DPP10: variants seen among roughly 807,000 people sequenced by gnomAD.
DPP10 encodes the protein inactive dipeptidyl peptidase 10.
DPP10 carries 33 observed loss-of-function variants against 120.9 expected under a neutral mutation model. The ratio of observed to expected loss-of-function variants is 0.27; its 90% CI spans 0.21 to 0.37. The LOEUF (loss-of-function observed/expected upper bound fraction) is 0.37. DPP10 is among the 10% of genes least tolerant of loss of function. The probability of loss-of-function intolerance (pLI) is 1.00; values close to 1 mark genes in which losing one functional copy is unlikely to be tolerated. For missense variants in DPP10, 816 were observed against 942.8 expected, an observed-to-expected ratio of 0.87 and a Z score of 1.76; for synonymous variants, 337 against 326.1, an observed-to-expected ratio of 1.03 and a Z score of -0.36.
At chr2:115,557,789 C>G (rs189343983) in intron 5 of DPP10, among the ~76,000 whole-genome samples, 1 of 152,148 alleles carries the variant, frequency 6.6e-6, no homozygotes, top group Non-Finnish European at 1.5e-5. Context: ...TTGTCACTTC[C>G]TGTGAAATGC....
chr2:114,446,440 G>T (rs765843226), intron 1 of DPP10, among the ~76,000 whole-genome samples: 1 of 152,078 alleles, frequency 6.6e-6, no homozygotes, highest in Non-Finnish European at 1.5e-5. Flanking sequence ...AGAATTATAT[G>T]TATTATACTT....
chr2:115,632,231 C>T (rs2085933546), intron 5 of DPP10, among the ~76,000 whole-genome samples: 1 of 152,106 alleles, frequency 6.6e-6, no homozygotes, highest in African/African-American at 2.4e-5. Flanking sequence ...ACTAGGATTG[C>T]AACCCTTGCT....
At chr2:114,919,631 T>G (rs554492723) in intron 1 of DPP10, among the ~76,000 whole-genome samples, 1 of 152,308 alleles carries the variant, frequency 6.6e-6, no homozygotes, top group East Asian at 1.9e-4. Context: ...TAAGAAGAAA[T>G]AATCAGCCAA....
chr2:114,996,166 T>A (rs913711656), intron 1 of DPP10, among the ~76,000 whole-genome samples: 1 of 152,202 alleles, frequency 6.6e-6, no homozygotes, highest in African/African-American at 2.4e-5. Flanking sequence ...GCTTTGCTTT[T>A]CTTCTGAGGG....
At chr2:114,885,462 A>G (rs1362050376) in intron 1 of DPP10, among the ~76,000 whole-genome samples, 2 of 152,232 alleles carry the variant, frequency 1.3e-5, no homozygotes, top group African/African-American at 4.8e-5. Flanking sequence ...ACAAACATAC[A>G]AACTATATCA....
intron 1 of DPP10, among the ~76,000 whole-genome samples, chr2:115,222,073 G>A (rs954786227): frequency 6.6e-6 from 1 of 152,098 alleles, no homozygotes; most frequent in Non-Finnish European, 1.5e-5. Flanking sequence ...TAGGAATTTA[G>A]GAACACAGGG....
At chr2:115,437,487 G>T (rs2071600823) in intron 3 of DPP10, among the ~76,000 whole-genome samples, 1 of 152,006 alleles carries the variant, frequency 6.6e-6, no homozygotes, top group African/African-American at 2.4e-5. Flanking sequence ...GAACTTGCTA[G>T]AAGTGGTTTA....
rs371841762 is a variant in DPP10, at chr2:115,746,100, C to T, written c.867C>T (p.Asn289=). 3.5e-5 allele frequency: 57 copies of T among 1,607,936 alleles called. No individual in the cohort carries two copies. Among genetic ancestry groups the T allele is most frequent in the Non-Finnish European group, 4.7e-5 (55 of 1,178,260 alleles). ...TTTTCTCAAAGGCAGGTCAAGTGAACCCAACAATAAAATTATATGTTGTAA... is the reference window on the plus strand; with the variant it reads ...TTTTCTCAAAGGCAGGTCAAGTGAATCCAACAATAAAATTATATGTTGTAA... ...QYPYPKAGQV[N]PTIKLYVVNL... is the part of the protein sequence containing the mutation. Residue 289 remains asparagine (N), a synonymous_variant, in exon 10 of 26, where the codon AAC becomes AAT. Transcript: ENST00000410059.
At chr2:115,036,549 G>T (rs1396936) in intron 1 of DPP10, among the ~76,000 whole-genome samples, 8,039 of 152,164 alleles carry the variant, frequency 0.053, 287 homozygotes, top group East Asian at 0.14. Flanking sequence ...ATTGTAAAGG[G>T]ATACCAAAGG....
intron 1 of DPP10, among the ~76,000 whole-genome samples, chr2:115,240,999 A>G (rs1380768593): frequency 1.3e-5 from 2 of 152,188 alleles, no homozygotes; most frequent in Admixed American, 1.3e-4. Flanking sequence ...GGTCGGGCGC[A>G]GTGGCTCACG....
At chr2:115,104,662 G>T (rs1019600973) in intron 1 of DPP10, among the ~76,000 whole-genome samples, 2 of 152,046 alleles carry the variant, frequency 1.3e-5, no homozygotes, top group African/African-American at 4.8e-5. Context: ...AAAAGTACCT[G>T]ATCAACTAAG....
intron 1 of DPP10, among the ~76,000 whole-genome samples, chr2:115,238,551 T>C (rs931136727): frequency 9.2e-5 from 14 of 152,128 alleles, no homozygotes; most frequent in African/African-American, 3.1e-4. Context: ...CTCGAGACTT[T>C]AGTGAAGGAA....
intron 1 of DPP10, among the ~76,000 whole-genome samples, chr2:115,024,401 TTTTG>T (rs1487483042): frequency 6.6e-6 from 1 of 152,022 alleles, no homozygotes; most frequent in Non-Finnish European, 1.5e-5. Context: ...CTTGAATTAA[TTTTG>T]TTTAATGATT....
intron 1 of DPP10, among the ~76,000 whole-genome samples, chr2:114,711,443 G>A (rs1701025176): frequency 6.6e-6 from 1 of 152,186 alleles, no homozygotes; most frequent in African/African-American, 2.4e-5. Context: ...ACAATGGGTG[G>A]CCCTTTAGGG....
chr2:114,899,742 G>A (rs1297305791), intron 1 of DPP10, among the ~76,000 whole-genome samples: 1 of 152,280 alleles, frequency 6.6e-6, no homozygotes, highest in East Asian at 1.9e-4. Context: ...CAGATCACGA[G>A]GTCAGGAGAT....
At chr2:115,689,340 A>G (rs1370600002) in intron 5 of DPP10, among the ~76,000 whole-genome samples, 1 of 152,188 alleles carries the variant, frequency 6.6e-6, no homozygotes, top group Non-Finnish European at 1.5e-5. Flanking sequence ...ATAAGTTTAG[A>G]AAAACATGTA....
In DPP10 at chr2:115,139,023, G is replaced by A. The variant is rs553015804; in HGVS notation, c.61-170216G>A. On this transcript the variant is annotated intron_variant, in intron 1 of 25. Coordinates refer to ENST00000410059, the MANE Select transcript of DPP10 (RefSeq NM_020868.6). ...CAAACTGCTACATGTGATGCATGCA[G>A]ATTTATTAACTAAATAAGTCTTCAT... is the stretch of plus-strand genomic sequence containing the variant. Among the ~76,000 whole-genome samples, 6 of 152,246 alleles carry A rather than the reference G, an allele frequency of 3.9e-5. No homozygotes were observed. In the South Asian group the frequency reaches 1.2e-3, roughly 31 times the overall value.
chr2:115,489,885 A>AT (rs1054606141), intron 3 of DPP10, among the ~76,000 whole-genome samples: 3 of 152,106 alleles, frequency 2.0e-5, no homozygotes, highest in Admixed American at 2.0e-4. Context: ...GAAAAGAGAC[A>AT]TTTACCATCT....
At chr2:115,628,966 TC>T (rs1156518411) in intron 5 of DPP10, among the ~76,000 whole-genome samples, 2 of 152,012 alleles carry the variant, frequency 1.3e-5, no homozygotes, top group African/African-American at 4.8e-5. Context: ...CCTTCCCCCT[TC>T]CCCCTACCCC....
Sources: gnomAD v4.1 joint callset for allele counts (sites outside exome capture counted in the v4.1 genomes callset) on GRCh38, gnomAD v4.1.1 for gene constraint, MANE v1.5 for transcripts, NCBI Gene and HGNC (gene_info 2026-07-23, HGNC 2026-07-21) for gene names.